Variants in RELN observed in about 807,000 individuals in gnomAD.
RELN encodes reelin.
In RELN, 108 loss-of-function variants were observed where a neutral mutation model predicts 427.6. The observed-to-expected ratio is 0.25, with a 90% CI of 0.22 to 0.30. RELN has a LOEUF of 0.30. Ranked by LOEUF, RELN falls within the 10% of genes least tolerant of loss-of-function variation. RELN has a pLI of 1.00. For synonymous variants in RELN, 1,524 were observed against 1,513.4 expected, an observed-to-expected ratio of 1.01 and a Z score of -0.16; for missense variants, 3,715 against 4,302.8, an observed-to-expected ratio of 0.86 and a Z score of 3.82.
At chr7:103,576,691 A>C (rs1406946187) in intron 28 of RELN, among the ~76,000 whole-genome samples, 2 of 152,168 alleles carry the variant, frequency 1.3e-5, no homozygotes, top group African/African-American at 2.4e-5. Flanking sequence ...GTTTGTACCG[A>C]CAGCTCTATT....
intron 46 of RELN, among the ~76,000 whole-genome samples, chr7:103,527,359 C>T (rs2535774): frequency 0.056 from 8,556 of 152,210 alleles, 269 homozygotes; most frequent in South Asian, 0.099. Flanking sequence ...GCCATTCTAC[C>T]GAAGACGACG....
chr7:103,613,018 CA>C (rs1370973303), intron 20 of RELN, among the ~76,000 whole-genome samples: 1 of 152,234 alleles, frequency 6.6e-6, no homozygotes, highest in African/African-American at 2.4e-5. Flanking sequence ...GCAAATGCCA[CA>C]ACTTGTTTAT....
chr7:103,664,161 C>T (rs1354948845), intron 11 of RELN, among the ~76,000 whole-genome samples: 1 of 152,212 alleles, frequency 6.6e-6, no homozygotes, highest in African/African-American at 2.4e-5. Context: ...CCTTCCAATA[C>T]ATGTTGGCTA....
At chr7:103,982,049 C>A (rs772859627) in intron 1 of RELN, among the ~76,000 whole-genome samples, 2 of 151,932 alleles carry the variant, frequency 1.3e-5, no homozygotes, top group Non-Finnish European at 2.9e-5. Context: ...ACCTGTAGTC[C>A]CAGCTATTCA....
chr7:103,834,984 C>T (rs768204541), intron 2 of RELN, among the ~76,000 whole-genome samples: 1 of 152,132 alleles, frequency 6.6e-6, no homozygotes, highest in Non-Finnish European at 1.5e-5. Context: ...ATATGCCTGA[C>T]AAAAACCTGT....
At chr7:103,752,760 A>G (rs1791038261) in intron 5 of RELN, among the ~76,000 whole-genome samples, 1 of 152,176 alleles carries the variant, frequency 6.6e-6, no homozygotes, top group Admixed American at 6.5e-5. Context: ...CTTTTTCTTA[A>G]CAATTCAGTA....
intron 8 of RELN, among the ~76,000 whole-genome samples, chr7:103,717,480 C>CAA (rs71154364): frequency 2.0e-4 from 30 of 146,640 alleles, no homozygotes; most frequent in South Asian, 4.2e-4. Context: ...ATATATAAAA[C>CAA]AAAAAAAAAA....
At position 103,626,978 on chromosome 7, in the gene RELN, T is replaced by A. The variant is rs1051660088; in HGVS notation, c.2702+2962A>T. Among the ~76,000 whole-genome samples the A allele has an allele frequency of 2.0e-5, 3 of 152,074 alleles. No homozygotes were observed. In the South Asian group the frequency reaches 6.2e-4, roughly 32 times the overall value. On this transcript the variant is annotated intron_variant, in intron 20 of 64. Transcript: ENST00000428762. The surrounding 1 kb of genome is among the most constrained non-coding windows in gnomAD (Gnocchi z 4.4). ...TGCTCTAGGATGACATACTGGAAAG[T>A]GATTTGTAGCATACTGACTGTAGTT...
At chr7:103,674,821 T>C (rs6969389) in intron 11 of RELN, among the ~76,000 whole-genome samples, 36,166 of 152,088 alleles carry the variant, frequency 0.24, 5,144 homozygotes, top group South Asian at 0.38. Context: ...AAAAGGCCTT[T>C]GACAAAATTC....
chr7:103,596,571 A>T lies in RELN; in HGVS notation c.3424T>A (p.Ser1142Thr), dbSNP rs145484343. The change falls in exon 25 of 65, where the codon TCA becomes ACA. Residue 1142 changes from serine (S) to threonine (T), a missense_variant. Around this residue, in one of 4 missense-constraint regions of RELN, gnomAD observed 2,208 missense variants for 2,361.7 expected, o/e 0.93. Transcript: ENST00000428762. ...TCTCTGCTGTCAGGCTTGTTGCATGAAGCACTCTCTCCGCCTATCTGGATG... is the reference window on the plus strand; with the variant it reads ...TCTCTGCTGTCAGGCTTGTTGCATGTAGCACTCTCTCCGCCTATCTGGATG... ...FYIQIGGESA[S>T]CNKPDSREEG... 6.4e-4 allele frequency: 1,031 copies of T among 1,614,056 alleles called. 4 individuals carry two copies. The highest frequency in any genetic ancestry group is 2.7e-4 in the Non-Finnish European group (319 of 1,179,948).
chr7:103,593,586 A>C, intron 27 of RELN, 96 bp downstream of exon 27: 5 of 1,063,624 alleles, frequency 4.7e-6, no homozygotes, highest in Non-Finnish European at 5.8e-6. Context: ...CTTTAATAGA[A>C]TATGAAAAAT....
chr7:103,624,510 T>C (rs1832286213), intron 20 of RELN, among the ~76,000 whole-genome samples: 2 of 152,184 alleles, frequency 1.3e-5, no homozygotes, highest in African/African-American at 2.4e-5. Context: ...CACTGCAACC[T>C]CTGCCTCCCA....
At chr7:103,820,580 G>A (rs1171338008) in intron 3 of RELN, among the ~76,000 whole-genome samples, 1 of 151,310 alleles carries the variant, frequency 6.6e-6, no homozygotes, top group Non-Finnish European at 1.5e-5. Flanking sequence ...TAATCAAGGA[G>A]TCTGATTCTG....
intron 11 of RELN, among the ~76,000 whole-genome samples, chr7:103,681,075 C>T (rs1833643594): frequency 2.0e-5 from 3 of 152,066 alleles, no homozygotes; most frequent in Admixed American, 6.6e-5. Flanking sequence ...CAGTGTGGCT[C>T]AGGCTGAGGG....
In RELN at chr7:103,611,640, G is replaced by A; in HGVS notation, c.2866C>T (p.His956Tyr). 2 of 1,613,638 alleles carry A rather than the reference G, an allele frequency of 1.2e-6. No homozygotes were observed. The highest frequency in any genetic ancestry group is 1.7e-6 in the Non-Finnish European group (2 of 1,179,878). ...NQVKLEYSTN[H>Y]GLTWHLVQEE... ...TGGACGAGGTGCCAGGTAAGGCCGT[G>A]GTTGGTTGAGTACTCCAGCTTCACC... The change falls in exon 21 of 65, where the codon CAC becomes TAC. Residue 956 changes from histidine (H) to tyrosine (Y), a missense_variant. Physicochemically the swap from His to Tyr is moderately conservative, Grantham distance 83. This residue lies in a region of RELN where 2,208 missense variants were observed against 2,361.7 expected (regional missense o/e 0.93). Transcript: ENST00000428762.
intron 22 of RELN, among the ~76,000 whole-genome samples, chr7:103,605,399 A>G (rs188663481): frequency 6.6e-6 from 1 of 152,298 alleles, no homozygotes; most frequent in Non-Finnish European, 1.5e-5. Context: ...GGGGATGAAA[A>G]TTAAACAGTT....
rs115361619 is a variant in RELN, at chr7:103,845,329, G to T, written c.338-11657C>A. Among the ~76,000 whole-genome samples, 1,435 of 152,114 alleles carry T rather than the reference G, an allele frequency of 9.4e-3. 17 individuals carry two copies. The highest frequency in any genetic ancestry group is 0.033 in the African/African-American group (1,371 of 41,500). Reference sequence around the variant, plus strand: ...CCTCAGTCACCTGAAATATAGGCATGCGTCACCACGCCTGGCTAATTTTTG... The same window carrying T: ...CCTCAGTCACCTGAAATATAGGCATTCGTCACCACGCCTGGCTAATTTTTG... On this transcript the variant is annotated intron_variant, in intron 2 of 64. Transcript: ENST00000428762.
At chr7:103,845,744 C>A (rs1418980533) in intron 2 of RELN, among the ~76,000 whole-genome samples, 1 of 152,166 alleles carries the variant, frequency 6.6e-6, no homozygotes, top group Admixed American at 6.5e-5. Context: ...ACAGCCAAAT[C>A]GGAGTAAACT....
Position 103,682,264 on chromosome 7 carries a change from G to A in RELN, c.1144-3C>T. 2.5e-6 allele frequency: 4 copies of A among 1,614,002 alleles called. No individual in the cohort carries two copies. The highest frequency in any genetic ancestry group is 3.4e-6 in the Non-Finnish European group (4 of 1,179,908). On this transcript the variant is annotated splice_polypyrimidine_tract_variant and splice_region_variant and intron_variant, in intron 10 of 64. Transcript: ENST00000428762. ...TTCCCATCTGACTGACAGCTATGCTGTAGGTGAAAAGAGAGCACGGGGTGG... is the reference window on the plus strand; with the variant it reads ...TTCCCATCTGACTGACAGCTATGCTATAGGTGAAAAGAGAGCACGGGGTGG...
Sources: allele counts gnomAD v4.1 joint callset (sites outside exome capture counted in the v4.1 genomes callset), GRCh38; gene constraint gnomAD v4.1.1; regional missense constraint gnomAD v4.1.1; non-coding constraint Gnocchi (gnomAD v3.1); transcripts MANE v1.5; gene names NCBI Gene and HGNC (gene_info 2026-07-23, HGNC 2026-07-21).